Variants in CCSER2 observed in about 807,000 individuals in gnomAD.
CCSER2 encodes serine-rich coiled-coil domain-containing protein 2.
In CCSER2, 46 loss-of-function variants were observed where a neutral mutation model predicts 92.3. That is an observed-to-expected ratio of 0.50 (90% CI 0.39 to 0.64). The LOEUF (loss-of-function observed/expected upper bound fraction) is 0.64, where lower values mean the gene tolerates loss of function less well. Among genes scored for constraint, CCSER2 ranks in the 30% least tolerant of loss-of-function variants. CCSER2 has a pLI of 0.00. For synonymous variants in CCSER2, 433 were observed against 431.4 expected (o/e 1.00, Z -0.04); for missense variants, 1,244 against 1,238.9 (o/e 1.00, Z -0.06).
In CCSER2 at chr10:84,514,301, A is replaced by T. The variant is rs890465579; in HGVS notation, c.*34A>T. On this transcript the variant is annotated 3_prime_UTR_variant, in exon 10 of 10. Coordinates refer to ENST00000372088, the MANE Select transcript of CCSER2 (RefSeq NM_001284240.2). Reference sequence around the variant, plus strand: ...CCATCACCTGCCAATTTGTTTCTTAAAAACAATCTCTTCTGTAATAGCTTT... The same window carrying T: ...CCATCACCTGCCAATTTGTTTCTTATAAACAATCTCTTCTGTAATAGCTTT... 1.3e-5 allele frequency: 18 copies of T among 1,414,268 alleles called. No homozygotes were observed. In the Admixed American group the frequency reaches 3.7e-4, roughly 29 times the overall value. 87.6% of individuals were successfully genotyped at this position (1,414,268 alleles called of 1,614,324 possible).
rs749247554 is a variant in CCSER2 at position 84,395,864 on chromosome 10, A to G, written c.1615-21907A>G. ...TAGCCCTTGAGTCATTATGTCTCCA[A>G]GGAAGATTTTTATTGGAGAATGAGA... is the stretch of plus-strand genomic sequence containing the variant. On this transcript the variant is annotated intron_variant, in intron 3 of 9. Transcript: ENST00000372088. 8.5e-5 allele frequency among the ~76,000 whole-genome samples: 13 copies of G among 152,186 alleles called. No individual in the cohort carries two copies. The East Asian group carries it at 1.5e-3, about 18-fold the overall frequency.
At chr10:84,385,907 A>T (rs1841177246) in intron 3 of CCSER2, among the ~76,000 whole-genome samples, 1 of 152,072 alleles carries the variant, frequency 6.6e-6, no homozygotes, top group South Asian at 2.1e-4. Context: ...TAACTCCATT[A>T]AAAAAATGGG....
intron 6 of CCSER2, among the ~76,000 whole-genome samples, chr10:84,452,692 C>T (rs1482732949): frequency 6.6e-6 from 1 of 152,178 alleles, no homozygotes; most frequent in African/African-American, 2.4e-5. Context: ...ATGCAAAACA[C>T]TTGGAACAGT....
intron 5 of CCSER2, among the ~76,000 whole-genome samples, chr10:84,433,921 T>A (rs912848071): frequency 5.9e-5 from 9 of 152,196 alleles, no homozygotes; most frequent in African/African-American, 1.9e-4. Flanking sequence ...TTTCTTCATA[T>A]TTACCTGCCT....
intron 6 of CCSER2, among the ~76,000 whole-genome samples, chr10:84,457,267 ATATATAATATAT>A (rs1845711547): frequency 1.3e-4 from 1 of 7,440 alleles, no homozygotes; most frequent in African/African-American, 5.3e-4. Context: ...AAAATATATT[ATATATAATATAT>A]TATATATTAT....
At chr10:84,374,053 T>C (rs891113652) in intron 3 of CCSER2, 3 of 898,752 alleles carry the variant, frequency 3.3e-6, no homozygotes, top group Non-Finnish European at 4.8e-6. Context: ...CTCATACATA[T>C]GTGCATACTA....
intron 3 of CCSER2, among the ~76,000 whole-genome samples, chr10:84,375,857 C>G (rs1480677147): frequency 6.9e-6 from 1 of 143,964 alleles, no homozygotes; most frequent in Non-Finnish European, 1.5e-5. Context: ...TTTTCTGTTT[C>G]TTTTTCTTTT....
chr10:84,438,578 G>A lies in CCSER2; in HGVS notation c.1935G>A (p.Gln645=), dbSNP rs779685089. Residue 645 remains glutamine, a synonymous_variant, in exon 6 of 10, where the codon CAG becomes CAA. Transcript: ENST00000372088. ...FESYGGMPFF[Q]AQKMFVDVPE... is the part of the protein sequence containing the mutation. ...GCTATGGAGGGATGCCCTTTTTCCA[G>A]GCTCAGAAGATGTTTGTTGATGTAC... The A allele has an allele frequency of 6.2e-7, 1 of 1,613,642 alleles. No individual in the cohort carries two copies. Among genetic ancestry groups the A allele is most frequent in the Non-Finnish European group, 8.5e-7 (1 of 1,179,696 alleles).
chr10:84,406,357 C>G (rs2133339727), intron 3 of CCSER2, among the ~76,000 whole-genome samples: 1 of 152,218 alleles, frequency 6.6e-6, no homozygotes, highest in African/African-American at 2.4e-5. Flanking sequence ...GTTTACACAT[C>G]TATTTGTGCT....
intron 1 of CCSER2, among the ~76,000 whole-genome samples, chr10:84,366,481 A>G (rs1280260614): frequency 6.6e-6 from 1 of 152,188 alleles, no homozygotes; most frequent in Non-Finnish European, 1.5e-5. Context: ...GGTCAAATAG[A>G]CATGCACACA....
intron 1 of CCSER2, among the ~76,000 whole-genome samples, chr10:84,360,748 T>TTTA (rs1347475379): frequency 2.0e-5 from 3 of 152,046 alleles, no homozygotes; most frequent in African/African-American, 4.8e-5. Flanking sequence ...CCTAAGGCCT[T>TTTA]ACCTTTGATA....
intron 3 of CCSER2, among the ~76,000 whole-genome samples, chr10:84,404,447 G>A (rs1236484407): frequency 6.6e-6 from 1 of 152,162 alleles, no homozygotes; most frequent in Non-Finnish European, 1.5e-5. Context: ...TTAAAAGTGA[G>A]TGGACAGGAA....
At chr10:84,450,657 T>G (rs1477994385) in intron 6 of CCSER2, among the ~76,000 whole-genome samples, 3 of 152,200 alleles carry the variant, frequency 2.0e-5, no homozygotes, top group Non-Finnish European at 4.4e-5. Context: ...TCAATAAATT[T>G]ACTGAGAGAC....
chr10:84,492,017 T>C (rs1188784), intron 9 of CCSER2, among the ~76,000 whole-genome samples: 130,047 of 152,170 alleles, frequency 0.85, 55,646 homozygotes, highest in East Asian at 0.9. Context: ...CGGTGGCTCA[T>C]GCCTGTAATC....
chr10:84,354,545 C>T (rs1158809210), intron 1 of CCSER2, among the ~76,000 whole-genome samples: 3 of 133,678 alleles, frequency 2.2e-5, no homozygotes, highest in South Asian at 2.9e-4. Flanking sequence ...TGCCACCCCC[C>T]GCCCCCCGCC....
At chr10:84,499,747 T>G in intron 9 of CCSER2, 1 of 764,674 alleles carries the variant, frequency 1.3e-6, no homozygotes, top group Non-Finnish European at 2.0e-6. Context: ...TTTAAAAAAA[T>G]GAAATCTGTC....
At chr10:84,425,062 C>T (rs1042709340) in intron 4 of CCSER2, 1 of 964,662 alleles carries the variant, frequency 1.0e-6, no homozygotes, top group Non-Finnish European at 1.2e-6. Context: ...AGTGAAGAAG[C>T]TTGGGGTGTT....
chr10:84,341,805 T>G (rs1323210431), intron 1 of CCSER2, among the ~76,000 whole-genome samples: 1 of 152,182 alleles, frequency 6.6e-6, no homozygotes, highest in African/African-American at 2.4e-5. Context: ...GGGAAACACT[T>G]CACTTATGTT....
intron 1 of CCSER2, among the ~76,000 whole-genome samples, chr10:84,361,979 G>C (rs1564598285): frequency 6.6e-6 from 1 of 152,164 alleles, no homozygotes; most frequent in Non-Finnish European, 1.5e-5. Context: ...TCTAACGTAT[G>C]TAGATGTTTA....
Sources: allele counts gnomAD v4.1 joint callset (sites outside exome capture counted in the v4.1 genomes callset), GRCh38; gene constraint gnomAD v4.1.1; transcripts MANE v1.5; gene names NCBI Gene and HGNC (gene_info 2026-07-23, HGNC 2026-07-21).